The following YTHDF2 variants were observed in gnomAD, a reference collection of about 807,000 sequenced individuals.
YTHDF2 encodes YTH domain-containing family protein 2.
Under a neutral mutation model 50.4 loss-of-function variants are expected in YTHDF2, and 2 were observed. That is an observed-to-expected ratio of 0.04 (90% CI 0.02 to 0.12). The LOEUF (loss-of-function observed/expected upper bound fraction) is 0.12. Among genes scored for constraint, YTHDF2 ranks in the 10% least tolerant of loss-of-function variants. The pLI is 1.00. For missense variants in YTHDF2, 483 were observed against 722.6 expected, an observed-to-expected ratio of 0.67 and a Z score of 3.80; for synonymous variants, 217 against 255.6, an observed-to-expected ratio of 0.85 and a Z score of 1.44.
intron 4 of YTHDF2, among the ~76,000 whole-genome samples, chr1:28,764,614 G>T (rs2088189900): frequency 6.6e-6 from 1 of 151,704 alleles, no homozygotes; most frequent in South Asian, 2.1e-4. Flanking sequence ...TTGCCATGTT[G>T]GCCATGCTGG....
At chr1:28,765,831 A>G (rs995756118) in intron 4 of YTHDF2, among the ~76,000 whole-genome samples, 2 of 152,134 alleles carry the variant, frequency 1.3e-5, no homozygotes, top group African/African-American at 2.4e-5. Context: ...GTGTATATAT[A>G]ATGTTTTCCT....
upstream of YTHDF2, chr1:28,736,860 G>A (rs2087695065): frequency 6.4e-6 from 2 of 310,230 alleles, no homozygotes; most frequent in Non-Finnish European, 6.1e-6. Context: ...GCCCGCCTCC[G>A]CTGTTCGGCG....
chr1:28,762,268 T>C (rs2088148458), intron 4 of YTHDF2, among the ~76,000 whole-genome samples: 1 of 152,102 alleles, frequency 6.6e-6, no homozygotes, highest in Non-Finnish European at 1.5e-5. Context: ...GGCGGGCACC[T>C]GTAGTCCCAG....
Position 28,769,413 on chromosome 1 carries a change from G to T in YTHDF2, c.*461G>T, listed in dbSNP as rs566988910. 1 of 152,910 alleles carries T rather than the reference G, an allele frequency of 6.5e-6. No individual in the cohort carries two copies. The highest frequency in any genetic ancestry group is 6.5e-5 in the Admixed American group (1 of 15,274). The allele number at this position is 152,910 out of a possible 1,614,324, so 9.5% of individuals were successfully genotyped here. On this transcript the variant is annotated 3_prime_UTR_variant, in exon 5 of 5. Transcript: ENST00000373812. ...AGTGGGAATTTGATTTTATCCTTCC[G>T]AACTGGAAGAACATTTTTATGAAGA... is the stretch of plus-strand genomic sequence containing the variant.
intron 4 of YTHDF2, among the ~76,000 whole-genome samples, chr1:28,758,071 CTT>C (rs1252644043): frequency 1.3e-5 from 2 of 152,152 alleles, no homozygotes; most frequent in African/African-American, 2.4e-5. Context: ...CCCCAAGGCT[CTT>C]TTTGTTTTTA....
intron 4 of YTHDF2, among the ~76,000 whole-genome samples, chr1:28,751,891 C>G (rs932371974): frequency 3.9e-5 from 6 of 152,118 alleles, no homozygotes; most frequent in African/African-American, 1.2e-4. Flanking sequence ...ACATTGGAAC[C>G]CTGCCAAATA....
chr1:28,751,523 C>T, intron 4 of YTHDF2, among the ~76,000 whole-genome samples: 1 of 152,074 alleles, frequency 6.6e-6, no homozygotes, highest in East Asian at 1.9e-4. Flanking sequence ...TGTTTATCTG[C>T]CAAAAGGGTT....
chr1:28,737,634 C>A, intron 1 of YTHDF2, 24 bp from the exon 2 acceptor site: 1 of 1,613,658 alleles, frequency 6.2e-7, no homozygotes, highest in South Asian at 1.1e-5. Context: ...ACTTGCTGCT[C>A]GGCGACGTTT....
At chr1:28,766,421 TAAGTCTGTCTTCACTGGTTTC>T (rs1017943895) in intron 4 of YTHDF2, among the ~76,000 whole-genome samples, 31 of 152,192 alleles carry the variant, frequency 2.0e-4, no homozygotes, top group South Asian at 4.1e-4. Context: ...CCAGCCCTCC[TAAGTCTGTCTTCACTGGTTTC>T]AAGTCTGTCT....
intron 4 of YTHDF2, among the ~76,000 whole-genome samples, chr1:28,746,206 C>T (rs1249628152): frequency 2.6e-5 from 4 of 152,008 alleles, no homozygotes; most frequent in Non-Finnish European, 4.4e-5. Flanking sequence ...GATTTATAGA[C>T]GTCTGAGGGG....
At chr1:28,759,967 A>C (rs1194786495) in intron 4 of YTHDF2, among the ~76,000 whole-genome samples, 1 of 152,142 alleles carries the variant, frequency 6.6e-6, no homozygotes, top group Non-Finnish European at 1.5e-5. Context: ...TAAAAAAAGA[A>C]AAACAAAAAC....
chr1:28,737,275 G>T (rs2087704854), intron 1 of YTHDF2, 128 bp downstream of exon 1: 2 of 1,263,796 alleles, frequency 1.6e-6, no homozygotes, highest in Non-Finnish European at 2.1e-6. Flanking sequence ...CAGGTTTCGG[G>T]CCTCTCAGGC....
intron 1 of YTHDF2, 127 bp from the exon 2 acceptor site, chr1:28,737,531 C>T (rs1474948974): frequency 1.5e-6 from 2 of 1,305,462 alleles, no homozygotes; most frequent in African/African-American, 1.5e-5. Flanking sequence ...TTCCTCACTA[C>T]CATTCCTGAC....
chr1:28,750,781 CTG>C (rs2124183575), intron 4 of YTHDF2, among the ~76,000 whole-genome samples: 1 of 151,780 alleles, frequency 6.6e-6, no homozygotes, highest in African/African-American at 2.4e-5. Context: ...GTTTCCTAAA[CTG>C]TGAAAAGGCT....
At chr1:28,744,109 A>C in intron 4 of YTHDF2, 123 bp downstream of exon 4, 3 of 1,061,906 alleles carry the variant, frequency 2.8e-6, no homozygotes, top group Non-Finnish European at 3.9e-6. Context: ...CTAACAGTTC[A>C]AGGCTTTATA....
intron 4 of YTHDF2, among the ~76,000 whole-genome samples, chr1:28,746,819 C>T (rs946417364): frequency 2.6e-5 from 4 of 151,964 alleles, no homozygotes; most frequent in Non-Finnish European, 5.9e-5. Flanking sequence ...CTCTGGCTCA[C>T]GCCTGTAATC....
intron 4 of YTHDF2, among the ~76,000 whole-genome samples, chr1:28,748,855 C>G (rs895117369): frequency 6.6e-6 from 1 of 152,072 alleles, no homozygotes; most frequent in African/African-American, 2.4e-5. Flanking sequence ...TATAATTTAC[C>G]AATCCCTAAT....
intron 4 of YTHDF2, among the ~76,000 whole-genome samples, chr1:28,749,425 C>T (rs2087914961): frequency 6.6e-6 from 1 of 152,088 alleles, no homozygotes; most frequent in African/African-American, 2.4e-5. Context: ...CATGATCTGC[C>T]CGCCCCGGCC....
Position 28,743,993 on chromosome 1 carries a change from C to G in YTHDF2, c.1716+7C>G, listed in dbSNP as rs769438413. 1.1e-5 allele frequency: 17 copies of G among 1,525,610 alleles called. No individual in the cohort carries two copies. Among genetic ancestry groups the G allele is most frequent in the Non-Finnish European group, 1.1e-5 (12 of 1,141,456 alleles). The allele number at this position is 1,525,610 out of a possible 1,614,324, so 94.5% of individuals were successfully genotyped here. Reference sequence around the variant, plus strand: ...AGAAGAAAGTGTTAAAAAGGTAACCCACTTCTTCTTATTAAGATTTTTAGG... The same window carrying G: ...AGAAGAAAGTGTTAAAAAGGTAACCGACTTCTTCTTATTAAGATTTTTAGG... On this transcript the variant is annotated splice_region_variant and intron_variant, in intron 4 of 4. Coordinates refer to ENST00000373812, the MANE Select transcript of YTHDF2 (RefSeq NM_016258.3). The surrounding 1 kb of genome is among the most constrained non-coding windows in gnomAD (Gnocchi z 6.9).
Sources: allele counts gnomAD v4.1 joint callset (sites outside exome capture counted in the v4.1 genomes callset), GRCh38; gene constraint gnomAD v4.1.1; non-coding constraint Gnocchi (gnomAD v3.1); transcripts MANE v1.5; gene names NCBI Gene and HGNC (gene_info 2026-07-23, HGNC 2026-07-21).